CSMD1: variants seen among roughly 807,000 people sequenced by gnomAD.
CSMD1 encodes CUB and sushi domain-containing protein 1.
In CSMD1, 213 loss-of-function variants were observed where a neutral mutation model predicts 417.5. That is an observed-to-expected ratio of 0.51 (90% CI 0.46 to 0.57). The LOEUF (loss-of-function observed/expected upper bound fraction) is 0.57, where lower values mean the gene tolerates loss of function less well. CSMD1 is among the 20% of genes least tolerant of loss of function. CSMD1 has a pLI of 0.00. For missense variants in CSMD1, 6,923 were observed against 4,529.7 expected (o/e 1.53, Z -15.17); for synonymous variants, 2,862 against 1,736.8 (o/e 1.65, Z -16.11).
At chr8:3,136,528 G>C (rs941073675) in intron 41 of CSMD1, among the ~76,000 whole-genome samples, 1 of 152,126 alleles carries the variant, frequency 6.6e-6, no homozygotes, top group Non-Finnish European at 1.5e-5. Flanking sequence ...GCCTCCCAAA[G>C]TGCTGGGATT....
rs1801304898 is a variant in CSMD1 at position 3,708,459 on chromosome 8, C to G, written c.964G>C (p.Val322Leu). The change falls in exon 7 of 70, where the codon GTC becomes CTC. Residue 322 changes from valine (V) to leucine (L), a missense_variant. Transcript: ENST00000635120. ...CCATCCTTGCTGGGCAGCATCTTGA[C>G]TCCTCTTGACTTCAACTCAATCGCC... is the stretch of plus-strand genomic sequence containing the variant. ...KKAIELKSRG[V>L]KMLPSKDGSH... 6.2e-7 allele frequency: 1 copy of G among 1,613,828 alleles called. No individual in the cohort carries two copies. The highest frequency in any genetic ancestry group is 1.1e-5 in the South Asian group (1 of 91,088).
At chr8:3,994,997 G>C (rs896386653) in intron 5 of CSMD1, among the ~76,000 whole-genome samples, 5 of 152,052 alleles carry the variant, frequency 3.3e-5, no homozygotes, top group African/African-American at 1.2e-4. Context: ...CCTGTGCTTG[G>C]GAAGAGGTCG....
intron 7 of CSMD1, among the ~76,000 whole-genome samples, chr8:3,692,491 G>T (rs566021894): frequency 6.6e-6 from 1 of 150,402 alleles, no homozygotes; most frequent in Admixed American, 6.6e-5. Context: ...ACCCAGGCTG[G>T]AGTGCACTGG....
chr8:3,160,586 A>T (rs1819823940), intron 38 of CSMD1, among the ~76,000 whole-genome samples: 1 of 152,164 alleles, frequency 6.6e-6, no homozygotes, highest in Non-Finnish European at 1.5e-5. Flanking sequence ...CTCTGCCTCC[A>T]ATCTTTTTGC....
At chr8:3,325,171 A>C (rs936655643) in intron 23 of CSMD1, among the ~76,000 whole-genome samples, 2 of 152,144 alleles carry the variant, frequency 1.3e-5, no homozygotes, top group African/African-American at 4.8e-5. Context: ...GTGACCCCTT[A>C]CCCAGTGTTT....
chr8:4,088,392 G>A (rs1490025954), intron 3 of CSMD1, among the ~76,000 whole-genome samples: 1 of 152,120 alleles, frequency 6.6e-6, no homozygotes, highest in East Asian at 1.9e-4. Flanking sequence ...GAGCTTTGTC[G>A]GTAACACCTT....
intron 5 of CSMD1, among the ~76,000 whole-genome samples, chr8:3,857,522 G>C (rs1000435333): frequency 6.6e-6 from 1 of 152,124 alleles, no homozygotes; most frequent in Non-Finnish European, 1.5e-5. Context: ...TAGATGATTT[G>C]CTTAATATTA....
chr8:4,446,731 G>C (rs930800875), intron 2 of CSMD1, among the ~76,000 whole-genome samples: 29 of 136,094 alleles, frequency 2.1e-4, no homozygotes, highest in Non-Finnish European at 4.1e-4. Context: ...GTGTGTGTGT[G>C]TCTGTGTGTG....
chr8:4,738,628 A>AT (rs1455720744), intron 1 of CSMD1, among the ~76,000 whole-genome samples: 1 of 152,164 alleles, frequency 6.6e-6, no homozygotes, highest in African/African-American at 2.4e-5. Flanking sequence ...TTTAAATATA[A>AT]TTACATTTTC....
chr8:4,591,074 C>T lies in CSMD1; in HGVS notation c.302+46268G>A, dbSNP rs1253746198. On this transcript the variant is annotated intron_variant, in intron 2 of 69. Coordinates refer to ENST00000635120, the MANE Select transcript of CSMD1 (RefSeq NM_033225.6). ...GTGTTCTTGTCTCCAACAGAAATTC[C>T]CAGGATCTGCTATTCTCTAAGGTTG... Among the ~76,000 whole-genome samples the T allele has an allele frequency of 3.3e-5, 5 of 152,286 alleles. No homozygotes were observed. In the East Asian group the frequency reaches 7.7e-4, roughly 24 times the overall value.
In CSMD1 at chr8:4,445,262, T is replaced by C. The variant is rs529508617; in HGVS notation, c.303-25197A>G. Among the ~76,000 whole-genome samples the C allele has an allele frequency of 9.9e-4, 151 of 152,336 alleles. 1 individual carries two copies. Among genetic ancestry groups the C allele is most frequent in the African/African-American group, 3.6e-3 (148 of 41,580 alleles). ...TTCTCTTGTTCTCTTTCTAGCCATATGTTCTCTGTCATTACCTATGACATT... is the reference window on the plus strand; with the variant it reads ...TTCTCTTGTTCTCTTTCTAGCCATACGTTCTCTGTCATTACCTATGACATT... On this transcript the variant is annotated intron_variant, in intron 2 of 69. Coordinates refer to ENST00000635120, the MANE Select transcript of CSMD1 (RefSeq NM_033225.6).
intron 10 of CSMD1, among the ~76,000 whole-genome samples, chr8:3,570,394 G>C (rs1799894584): frequency 6.6e-6 from 1 of 151,982 alleles, no homozygotes; most frequent in Non-Finnish European, 1.5e-5. Flanking sequence ...ACAGGCATTT[G>C]ACGCAATGGG....
intron 67 of CSMD1, among the ~76,000 whole-genome samples, chr8:2,949,895 G>A (rs530543297): frequency 6.6e-6 from 1 of 152,112 alleles, no homozygotes; most frequent in Non-Finnish European, 1.5e-5. Flanking sequence ...GAGCAGCGTG[G>A]TTATCAAGCG....
At chr8:3,223,612 C>T (rs999300605) in intron 28 of CSMD1, 117 bp downstream of exon 28, 2 of 1,068,838 alleles carry the variant, frequency 1.9e-6, no homozygotes, top group Admixed American at 2.2e-5. Flanking sequence ...CCATTAGACA[C>T]AAAATCTAGC....
intron 3 of CSMD1, among the ~76,000 whole-genome samples, chr8:4,370,671 A>G (rs1488184437): frequency 6.6e-6 from 1 of 152,110 alleles, no homozygotes; most frequent in Non-Finnish European, 1.5e-5. Flanking sequence ...ACGTTGCTTC[A>G]AAGGAGTGGT....
At chr8:4,114,130 G>C (rs1418045172) in intron 3 of CSMD1, among the ~76,000 whole-genome samples, 5 of 152,216 alleles carry the variant, frequency 3.3e-5, no homozygotes, top group African/African-American at 9.6e-5. Context: ...TAGGAGGAAA[G>C]AGGGTAAGTC....
intron 5 of CSMD1, among the ~76,000 whole-genome samples, chr8:3,849,019 G>T (rs1038744134): frequency 6.6e-6 from 1 of 151,796 alleles, no homozygotes; most frequent in Non-Finnish European, 1.5e-5. Context: ...AAGGTTCTCT[G>T]CTCATATAAA....
intron 5 of CSMD1, among the ~76,000 whole-genome samples, chr8:3,937,221 G>A (rs1034876196): frequency 6.6e-6 from 1 of 152,142 alleles, no homozygotes; most frequent in Admixed American, 6.6e-5. Context: ...AAAAGATTGT[G>A]ATTATTTCAT....
At chr8:3,169,036 T>C (rs1198374383) in intron 37 of CSMD1, among the ~76,000 whole-genome samples, 3 of 152,198 alleles carry the variant, frequency 2.0e-5, no homozygotes, top group Non-Finnish European at 4.4e-5. Flanking sequence ...CCAAAATTTC[T>C]CTGGTCACAG....
Sources: gnomAD v4.1 joint callset for allele counts (sites outside exome capture counted in the v4.1 genomes callset) on GRCh38, gnomAD v4.1.1 for gene constraint, MANE v1.5 for transcripts, NCBI Gene and HGNC (gene_info 2026-07-23, HGNC 2026-07-21) for gene names.